NCKAP5: variants seen among roughly 807,000 people sequenced by gnomAD.
NCKAP5 encodes NCK associated protein 5, also known as nck-associated protein 5.
NCKAP5 carries 92 observed loss-of-function variants against 167.0 expected under a neutral mutation model. The observed-to-expected ratio is 0.55, with a 90% CI of 0.47 to 0.66. The LOEUF (loss-of-function observed/expected upper bound fraction) is 0.66. Ranked by LOEUF, NCKAP5 falls within the 30% of genes least tolerant of loss-of-function variation. NCKAP5 has a pLI of 0.00. For missense variants in NCKAP5, 2,378 were observed against 2,315.0 expected, an observed-to-expected ratio of 1.03 and a Z score of -0.56; for synonymous variants, 891 against 877.4, an observed-to-expected ratio of 1.02 and a Z score of -0.27.
chr2:132,857,527 G>A (rs894898968), intron 11 of NCKAP5, among the ~76,000 whole-genome samples: 2 of 152,144 alleles, frequency 1.3e-5, no homozygotes, highest in African/African-American at 2.4e-5. Context: ...TGATTTGAAA[G>A]GGGGAATGCT....
intron 8 of NCKAP5, among the ~76,000 whole-genome samples, chr2:132,899,620 A>G (rs1210383997): frequency 6.6e-6 from 1 of 152,256 alleles, no homozygotes; most frequent in Non-Finnish European, 1.5e-5. Flanking sequence ...CATGCCTATA[A>G]TCTCAGCACT....
At chr2:133,307,168 T>C (rs1047800245) in intron 3 of NCKAP5, among the ~76,000 whole-genome samples, 2 of 152,174 alleles carry the variant, frequency 1.3e-5, no homozygotes, top group Non-Finnish European at 2.9e-5. Context: ...CCACCTTAGA[T>C]ACAATAAACA....
chr2:132,847,434 A>G (rs1304962423), intron 11 of NCKAP5, among the ~76,000 whole-genome samples: 1 of 152,246 alleles, frequency 6.6e-6, no homozygotes, highest in East Asian at 1.9e-4. Flanking sequence ...ATTAATGATC[A>G]GCAAAGACTG....
chr2:132,875,142 G>T (rs1691167337), intron 9 of NCKAP5, among the ~76,000 whole-genome samples: 1 of 152,016 alleles, frequency 6.6e-6, no homozygotes, highest in African/African-American at 2.4e-5. Flanking sequence ...AATCTCCTGT[G>T]GTGCTTTAAA....
chr2:133,383,797 G>A (rs1233164133), intron 3 of NCKAP5, among the ~76,000 whole-genome samples: 9 of 152,168 alleles, frequency 5.9e-5, no homozygotes, highest in Admixed American at 3.9e-4. Context: ...GTTTTGATTT[G>A]CATTTCTCTG....
rs764266778 is a variant in NCKAP5 at position 133,169,656 on chromosome 2, C to T, written c.208-39545G>A. Reference sequence around the variant, plus strand: ...CTTTTACGTTAAAGTGGCTCCCACTCGCAGTTATTAGTGTGTGCGGCGAGC... The same window carrying T: ...CTTTTACGTTAAAGTGGCTCCCACTTGCAGTTATTAGTGTGTGCGGCGAGC... On this transcript the variant is annotated intron_variant, in intron 5 of 19. Transcript: ENST00000409261. Among the ~76,000 whole-genome samples the T allele has an allele frequency of 3.3e-5, 5 of 152,264 alleles. 1 individual carries two copies. The Middle Eastern group carries it at 0.014, about 414-fold the overall frequency.
chr2:133,081,380 C>T (rs1269897524), intron 6 of NCKAP5, among the ~76,000 whole-genome samples: 1 of 152,036 alleles, frequency 6.6e-6, no homozygotes, highest in Non-Finnish European at 1.5e-5. Flanking sequence ...CAAACAAAAG[C>T]ACAAAAGGAC....
At chr2:133,615,742 C>T in the NCKAP5 span, among the ~76,000 whole-genome samples, 6 of 152,196 alleles carry the variant, frequency 3.9e-5, no homozygotes, top group South Asian at 2.1e-4. Flanking sequence ...GACAGATCAT[C>T]GAGACAGAAA....
At chr2:132,701,963 C>T (rs1051355447) in intron 19 of NCKAP5, among the ~76,000 whole-genome samples, 4 of 152,146 alleles carry the variant, frequency 2.6e-5, no homozygotes, top group African/African-American at 9.7e-5. Context: ...TGACAAAAGA[C>T]ACAAGGATGA....
rs553729833 is a variant in NCKAP5 at position 133,188,750 on chromosome 2, C to A, written c.207+24966G>T. ...TTTGAAATCAATGAGAACAAAGACA[C>A]AACACACCAGAATCTCTGGGGCACA... On this transcript the variant is annotated intron_variant, in intron 5 of 19. Coordinates refer to ENST00000409261, the MANE Select transcript of NCKAP5 (RefSeq NM_207363.3). 1.8e-4 allele frequency among the ~76,000 whole-genome samples: 28 copies of A among 152,208 alleles called. No homozygotes were observed. In the South Asian group the frequency reaches 5.6e-3, roughly 31 times the overall value.
At chr2:133,139,529 G>C (rs2082919597) in intron 5 of NCKAP5, among the ~76,000 whole-genome samples, 1 of 152,140 alleles carries the variant, frequency 6.6e-6, no homozygotes, top group Non-Finnish European at 1.5e-5. Context: ...TACACAATTA[G>C]GAAGAGGAGT....
chr2:132,874,063 G>C (rs1465468826), intron 9 of NCKAP5, among the ~76,000 whole-genome samples: 1 of 150,952 alleles, frequency 6.6e-6, no homozygotes, highest in Non-Finnish European at 1.5e-5. Flanking sequence ...ACATATGAAA[G>C]TGACAAGTAC....
intron 6 of NCKAP5, among the ~76,000 whole-genome samples, chr2:133,102,483 T>C (rs2081547537): frequency 6.6e-6 from 1 of 152,122 alleles, no homozygotes. Context: ...CCCAAGGAAA[T>C]GACATAGGTC....
intron 3 of NCKAP5, among the ~76,000 whole-genome samples, chr2:133,451,470 G>T (rs1691546490): frequency 6.6e-6 from 1 of 152,212 alleles, no homozygotes; most frequent in South Asian, 2.1e-4. Flanking sequence ...CTGCTGAAAA[G>T]TGAGTTGTGA....
intron 2 of NCKAP5, among the ~76,000 whole-genome samples, chr2:133,529,281 C>T (rs1274135998): frequency 6.6e-6 from 1 of 152,088 alleles, no homozygotes; most frequent in Non-Finnish European, 1.5e-5. Context: ...CGCAGAGATG[C>T]TTTTAACAGT....
intron 6 of NCKAP5, among the ~76,000 whole-genome samples, chr2:133,126,790 A>G (rs1204782572): frequency 2.0e-5 from 3 of 152,126 alleles, no homozygotes; most frequent in Non-Finnish European, 4.4e-5. Context: ...CAGGAATCTT[A>G]GAGCTAAATT....
At chr2:133,537,366 T>C (rs1051279772) in intron 2 of NCKAP5, among the ~76,000 whole-genome samples, 1 of 152,142 alleles carries the variant, frequency 6.6e-6, no homozygotes, top group Non-Finnish European at 1.5e-5. Context: ...GGAGATTGCA[T>C]TGAGTTTGTA....
rs1287676519 is a variant in NCKAP5, at chr2:132,784,429, G to A, written c.2382C>T (p.Ile794=). ...SNSRSSAPMG[I]YQKQNLTKIP... ...TTTTTGTCAGATTTTGCTTTTGATA[G>A]ATGCCCATGGGTGCCGAAGACCTGG... Residue 794 remains isoleucine (I), a synonymous_variant, in exon 14 of 20, where the codon ATC becomes ATT. Coordinates refer to ENST00000409261, the MANE Select transcript of NCKAP5 (RefSeq NM_207363.3). 8 of 1,612,542 alleles carry A rather than the reference G, an allele frequency of 5.0e-6. No homozygotes were observed. The highest frequency in any genetic ancestry group is 3.3e-5 in the Admixed American group (2 of 59,722).
intron 5 of NCKAP5, among the ~76,000 whole-genome samples, chr2:133,201,825 A>C (rs1033263133): frequency 6.6e-6 from 1 of 152,132 alleles, no homozygotes; most frequent in Non-Finnish European, 1.5e-5. Flanking sequence ...AGGAACTAGG[A>C]GATTCTGCGC....
Sources: gnomAD v4.1 joint callset for allele counts (sites outside exome capture counted in the v4.1 genomes callset) on GRCh38, gnomAD v4.1.1 for gene constraint, MANE v1.5 for transcripts, NCBI Gene and HGNC (gene_info 2026-07-23, HGNC 2026-07-21) for gene names.